The following PTPRN2 variants were observed in gnomAD, a reference collection of about 807,000 sequenced individuals.
PTPRN2 encodes receptor-type tyrosine-protein phosphatase N2.
PTPRN2 carries 74 observed loss-of-function variants against 118.8 expected under a neutral mutation model. The observed-to-expected ratio is 0.62, with a 90% CI of 0.52 to 0.76. PTPRN2 has a LOEUF of 0.76. Among genes scored for constraint, PTPRN2 ranks in the 30% least tolerant of loss-of-function variants. The pLI, the probability that PTPRN2 is intolerant of heterozygous loss-of-function variation, is 0.00. For missense variants in PTPRN2, 1,481 were observed against 1,394.4 expected (o/e 1.06, Z -0.99); for synonymous variants, 641 against 608.0 (o/e 1.05, Z -0.80).
intron 3 of PTPRN2, among the ~76,000 whole-genome samples, chr7:158,285,128 A>G (rs140237621): frequency 1.8e-4 from 27 of 152,314 alleles, no homozygotes; most frequent in African/African-American, 6.0e-4. Context: ...AAAACATACA[A>G]TATTTCTGAC....
At chr7:158,102,344 C>G (rs1051721686) in intron 10 of PTPRN2, among the ~76,000 whole-genome samples, 1 of 152,188 alleles carries the variant, frequency 6.6e-6, no homozygotes, top group Admixed American at 6.5e-5. Flanking sequence ...TCCAAAGCCA[C>G]CTCTTGTGAC....
chr7:158,171,242 CATATATACACACAT>C (rs1482630792), intron 5 of PTPRN2, among the ~76,000 whole-genome samples: 8 of 132,084 alleles, frequency 6.1e-5, no homozygotes, highest in South Asian at 2.3e-4. Context: ...TATATATACA[CATATATACACACAT>C]ATATATACAC....
chr7:157,847,764 G>T (rs1808961954), intron 12 of PTPRN2, among the ~76,000 whole-genome samples: 1 of 139,988 alleles, frequency 7.1e-6, no homozygotes, highest in Non-Finnish European at 1.5e-5. Flanking sequence ...CATCATGCGT[G>T]CCCGATGTCT....
intron 6 of PTPRN2, among the ~76,000 whole-genome samples, chr7:158,158,249 G>A (rs1439887650): frequency 6.6e-6 from 1 of 152,222 alleles, no homozygotes; most frequent in East Asian, 1.9e-4. Flanking sequence ...AGTTATTTCT[G>A]TGTTATAATC....
At chr7:158,196,321 A>G (rs776124856) in intron 4 of PTPRN2, among the ~76,000 whole-genome samples, 1 of 152,112 alleles carries the variant, frequency 6.6e-6, no homozygotes, top group Non-Finnish European at 1.5e-5. Context: ...GCTCTGTCTC[A>G]TCAACTCTGG....
chr7:157,817,231 C>T (rs762469353), intron 12 of PTPRN2, among the ~76,000 whole-genome samples: 17 of 152,258 alleles, frequency 1.1e-4, no homozygotes, highest in South Asian at 2.1e-4. Flanking sequence ...GTTTTGCACA[C>T]GTCTGGCTCT....
At chr7:158,407,101 C>T (rs753279341) in intron 2 of PTPRN2, among the ~76,000 whole-genome samples, 1 of 151,758 alleles carries the variant, frequency 6.6e-6, no homozygotes, top group Non-Finnish European at 1.5e-5. Flanking sequence ...CAGACAAGCC[C>T]AGCCCTGGGT....
In PTPRN2 at chr7:158,350,660, G is replaced by T. The variant is rs1156621307; in HGVS notation, c.164-33728C>A. Among the ~76,000 whole-genome samples, 3 of 152,124 alleles carry T rather than the reference G, an allele frequency of 2.0e-5. No individual in the cohort carries two copies. The East Asian group carries it at 5.8e-4, about 29-fold the overall frequency. On this transcript the variant is annotated intron_variant, in intron 2 of 22. Transcript: ENST00000389418. ...GGAAGGTGCCAGAGCTGCTGCCTAA[G>T]GTGCCCTAGGGACAGGAGAGCCCCT...
intron 3 of PTPRN2, among the ~76,000 whole-genome samples, chr7:158,310,437 C>T (rs951542370): frequency 4.6e-5 from 7 of 152,230 alleles, no homozygotes; most frequent in East Asian, 3.8e-4. Flanking sequence ...CTGTGCTCCT[C>T]GCAGAGTGGT....
In PTPRN2 at chr7:158,153,666, G is replaced by A. The variant is rs183833607; in HGVS notation, c.910+13265C>T. ...GGGTGGGGGTGCCACAGATATGCAG[G>A]GTCTTGCAGACCAGGCAAACAGCTT... is the stretch of plus-strand genomic sequence containing the variant. On this transcript the variant is annotated intron_variant, in intron 6 of 22. Transcript: ENST00000389418. Among the ~76,000 whole-genome samples the A allele has an allele frequency of 3.9e-3, 591 of 152,298 alleles. 2 individuals are homozygous for A. The highest frequency in any genetic ancestry group is 0.013 in the African/African-American group (560 of 41,572).
chr7:158,361,883 T>C (rs1183107196), intron 2 of PTPRN2, among the ~76,000 whole-genome samples: 4 of 152,194 alleles, frequency 2.6e-5, no homozygotes, highest in African/African-American at 7.2e-5. Flanking sequence ...GCCTGAGCCC[T>C]GCCTCTCCCT....
chr7:158,279,006 C>T (rs1026978626), intron 3 of PTPRN2, among the ~76,000 whole-genome samples: 5 of 152,178 alleles, frequency 3.3e-5, no homozygotes, highest in Non-Finnish European at 1.5e-5. Context: ...GTGAGTGTTA[C>T]AGCTCACAGA....
At chr7:158,204,973 T>C (rs780205183) in intron 4 of PTPRN2, among the ~76,000 whole-genome samples, 198 bp downstream of exon 4, 5 of 152,214 alleles carry the variant, frequency 3.3e-5, no homozygotes, top group Admixed American at 3.3e-4. Context: ...TGTCTCTTAC[T>C]GGAGGGTCAC....
intron 3 of PTPRN2, among the ~76,000 whole-genome samples, chr7:158,242,043 A>T (rs77289584): frequency 0.12 from 18,072 of 152,078 alleles, 1,318 homozygotes; most frequent in Admixed American, 0.22. Context: ...TTATTGTCCA[A>T]ATCTTAACTG....
Position 158,320,493 on chromosome 7 carries a change from GCCC to G in PTPRN2, c.164-3564_164-3562del, listed in dbSNP as rs952925987. Among the ~76,000 whole-genome samples the G allele has an allele frequency of 6.0e-5, 9 of 150,164 alleles. No homozygotes were observed. The East Asian group carries it at 7.7e-4, about 13-fold the overall frequency. On this transcript the variant is annotated intron_variant, in intron 2 of 22. Coordinates refer to ENST00000389418, the MANE Select transcript of PTPRN2 (RefSeq NM_002847.5). ...TTTCACTCCGAGCAGCTGTGATGGC[GCCC>G]CCATCGCCCGCATCCTCAGCAGCGC...
chr7:158,523,392 GCGGAGTCATCTGCCC>G, intron 1 of PTPRN2, among the ~76,000 whole-genome samples: 1 of 133,592 alleles, frequency 7.5e-6, no homozygotes, highest in African/African-American at 2.9e-5. Flanking sequence ...CTGCCCTGGA[GCGGAGTCATCTGCCC>G]TGGAGCGGAG....
intron 3 of PTPRN2, among the ~76,000 whole-genome samples, chr7:158,231,125 G>C (rs1829138289): frequency 6.6e-6 from 1 of 152,064 alleles, no homozygotes. Flanking sequence ...AAATTAGCCG[G>C]GCATGGTGGC....
At chr7:157,651,045 C>T (rs1805621174) in intron 14 of PTPRN2, among the ~76,000 whole-genome samples, 1 of 152,210 alleles carries the variant, frequency 6.6e-6, no homozygotes, top group African/African-American at 2.4e-5. Flanking sequence ...ATCTGTTGGT[C>T]GCCAGCACAG....
At chr7:157,967,626 G>C (rs1241104612) in intron 11 of PTPRN2, among the ~76,000 whole-genome samples, 1 of 152,152 alleles carries the variant, frequency 6.6e-6, no homozygotes. Flanking sequence ...CATGACATGG[G>C]GAAAAGGAGA....
Sources: gnomAD v4.1 joint callset for allele counts (sites outside exome capture counted in the v4.1 genomes callset) on GRCh38, gnomAD v4.1.1 for gene constraint, MANE v1.5 for transcripts, NCBI Gene and HGNC (gene_info 2026-07-23, HGNC 2026-07-21) for gene names.